The following PKHD1 variants were observed in gnomAD, a reference collection of about 807,000 sequenced individuals.
The protein encoded by PKHD1 is PKHD1 ciliary IPT domain containing fibrocystin/polyductin.
Under a neutral mutation model 412.0 loss-of-function variants are expected in PKHD1, and 291 were observed. The observed-to-expected ratio is 0.71, with a 90% CI of 0.64 to 0.78. The LOEUF (loss-of-function observed/expected upper bound fraction) is 0.78. PKHD1 is among the 30% of genes least tolerant of loss of function. The pLI is 0.00. For synonymous variants in PKHD1, 1,777 were observed against 1,821.5 expected (o/e 0.98, Z 0.62); for missense variants, 4,825 against 4,950.7 (o/e 0.97, Z 0.76).
chr6:51,994,731 G>A (rs1385091270), intron 35 of PKHD1, among the ~76,000 whole-genome samples: 3 of 152,034 alleles, frequency 2.0e-5, no homozygotes, highest in Admixed American at 6.5e-5. Context: ...ACAGGCACAC[G>A]CCACTATGCC....
chr6:52,062,382 G>A lies in PKHD1; in HGVS notation c.1118+137C>T, dbSNP rs375180419. ...ATGACCAACACTGATTGAGAATACT[G>A]TCAAACTCTGTTGTTGTTGAATTGG... On this transcript the variant is annotated intron_variant, in intron 14 of 66. Transcript: ENST00000371117. 2.3e-4 allele frequency: 210 copies of A among 928,228 alleles called. 1 individual carries two copies. In the African/African-American group the frequency reaches 3.1e-3, roughly 14 times the overall value. The allele number at this position is 928,228 out of a possible 1,614,324, so 57.5% of individuals were successfully genotyped here.
At chr6:51,729,153 C>CT (rs1782945360) in intron 60 of PKHD1, among the ~76,000 whole-genome samples, 1 of 152,234 alleles carries the variant, frequency 6.6e-6, no homozygotes, top group Admixed American at 6.5e-5. Flanking sequence ...CTTCAACTCC[C>CT]TTCCTTCATG....
intron 60 of PKHD1, among the ~76,000 whole-genome samples, chr6:51,676,461 AT>A (rs1411791130): frequency 1.3e-5 from 2 of 152,092 alleles, no homozygotes; most frequent in African/African-American, 2.4e-5. Context: ...TCCCTCAATA[AT>A]TTTTTTAGCC....
At position 51,888,719 on chromosome 6, in the gene PKHD1, A is replaced by G. The variant is rs76764037; in HGVS notation, c.6997-1474T>C. 2.6e-5 allele frequency among the ~76,000 whole-genome samples: 4 copies of G among 151,814 alleles called. No homozygotes were observed. In the East Asian group the frequency reaches 7.8e-4, roughly 29 times the overall value. On this transcript the variant is annotated intron_variant, in intron 43 of 66. Transcript: ENST00000371117. Reference sequence around the variant, plus strand: ...GAATTTGCAACCTCAACTACAGGCAACAAAGTAAATAACATGTTGGCTATT... The same window carrying G: ...GAATTTGCAACCTCAACTACAGGCAGCAAAGTAAATAACATGTTGGCTATT...
intron 37 of PKHD1, among the ~76,000 whole-genome samples, chr6:51,930,581 T>C (rs1231028073): frequency 6.6e-6 from 1 of 152,058 alleles, no homozygotes; most frequent in East Asian, 1.9e-4. Flanking sequence ...TAATAAAGAA[T>C]GAGATGGAAG....
intron 53 of PKHD1, among the ~76,000 whole-genome samples, chr6:51,785,039 C>T (rs1792646640): frequency 6.6e-6 from 1 of 152,082 alleles, no homozygotes; most frequent in Non-Finnish European, 1.5e-5. Flanking sequence ...TCTGTTTCCC[C>T]CAATAAAATA....
chr6:51,710,110 T>A (rs1024039318), intron 60 of PKHD1, among the ~76,000 whole-genome samples: 1 of 152,074 alleles, frequency 6.6e-6, no homozygotes, highest in African/African-American at 2.4e-5. Context: ...CTCGGGAAGC[T>A]GAGGCGGGAG....
At chr6:52,048,386 C>T (rs1806196442) in intron 23 of PKHD1, 106 bp downstream of exon 23, 1 of 1,114,484 alleles carries the variant, frequency 9.0e-7, no homozygotes, top group South Asian at 1.2e-5. Flanking sequence ...AATAAAATAG[C>T]TTTAATATTA....
At chr6:51,792,235 A>C (rs1047916883) in intron 52 of PKHD1, among the ~76,000 whole-genome samples, 6 of 152,352 alleles carry the variant, frequency 3.9e-5, no homozygotes, top group African/African-American at 1.4e-4. Context: ...TGTATGCCAA[A>C]GCATTAAGTG....
intron 60 of PKHD1, among the ~76,000 whole-genome samples, chr6:51,702,855 A>C (rs1779603442): frequency 1.3e-5 from 2 of 151,486 alleles, no homozygotes; most frequent in South Asian, 4.2e-4. Flanking sequence ...CAAATGTACC[A>C]AATTTTTTCT....
At position 51,836,887 on chromosome 6, in the gene PKHD1, C is replaced by T. The variant is rs143164687; in HGVS notation, c.8108-418G>A. Among the ~76,000 whole-genome samples the T allele has an allele frequency of 5.2e-4, 79 of 152,276 alleles. No individual in the cohort carries two copies. In the East Asian group the frequency reaches 0.012, roughly 24 times the overall value. ...ATCATCCATGAAATGTATTTGGTTACCTTTATCCAAACAAATTGTCCTTTT... is the reference window on the plus strand; with the variant it reads ...ATCATCCATGAAATGTATTTGGTTATCTTTATCCAAACAAATTGTCCTTTT... On this transcript the variant is annotated intron_variant, in intron 50 of 66. Coordinates refer to ENST00000371117, the MANE Select transcript of PKHD1 (RefSeq NM_138694.4).
intron 36 of PKHD1, among the ~76,000 whole-genome samples, chr6:51,939,054 T>A (rs2474886): frequency 6.6e-6 from 1 of 151,160 alleles, no homozygotes; most frequent in African/African-American, 2.4e-5. Context: ...TGCGGGGATG[T>A]CTGCCTGATT....
chr6:51,773,672 C>T (rs1790524481), intron 54 of PKHD1, among the ~76,000 whole-genome samples: 2 of 151,058 alleles, frequency 1.3e-5, no homozygotes, highest in African/African-American at 4.9e-5. Context: ...TATTTTATTG[C>T]AAGTCATTAA....
intron 35 of PKHD1, among the ~76,000 whole-genome samples, chr6:51,995,532 G>A (rs1225161621): frequency 2.6e-5 from 4 of 152,088 alleles, no homozygotes; most frequent in Non-Finnish European, 5.9e-5. Context: ...CTCTTAGCTA[G>A]TAGACCTTTG....
chr6:52,026,106 C>T lies in PKHD1; in HGVS notation c.3704G>A (p.Arg1235Gln), dbSNP rs567239866. The T allele has an allele frequency of 2.7e-5, 44 of 1,614,142 alleles. 1 individual carries two copies. Among genetic ancestry groups the T allele is most frequent in the South Asian group, 2.2e-4 (20 of 91,082 alleles). The part of the protein sequence containing the change: ...PALVWVLVGN[R>Q]SCDIVNLTEA... ...CGTTAAGTTCACAATGTCACAGGAC[C>T]GATTGCCCACAAGTACCCAAACCAA... The change falls in exon 32 of 67, where the codon CGG becomes CAG. Residue 1235 changes from arginine (R) to glutamine (Q), a missense_variant. By Grantham distance (43) the Arg-to-Gln change is conservative. Transcript: ENST00000371117.
At chr6:51,913,944 T>C (rs1783380066) in intron 37 of PKHD1, among the ~76,000 whole-genome samples, 1 of 152,152 alleles carries the variant, frequency 6.6e-6, no homozygotes, top group African/African-American at 2.4e-5. Context: ...CTTGTTTGTA[T>C]ATCTTAACCC....
At chr6:51,959,146 G>C (rs1049492380) in intron 36 of PKHD1, among the ~76,000 whole-genome samples, 1 of 152,180 alleles carries the variant, frequency 6.6e-6, no homozygotes, top group African/African-American at 2.4e-5. Context: ...CAGTGTTTTA[G>C]TGCAGAGTTT....
chr6:51,655,873 C>T lies in PKHD1; in HGVS notation c.11174+3079G>A, dbSNP rs1771744953. On this transcript the variant is annotated intron_variant, in intron 61 of 66. Coordinates refer to ENST00000371117, the MANE Select transcript of PKHD1 (RefSeq NM_138694.4). ...GTGAGCCTGTGGAGAAATAGGAACA[C>T]TTTTACACTGTTGGTGGGAGTGTAA... is the stretch of plus-strand genomic sequence containing the variant. Among the ~76,000 whole-genome samples the T allele has an allele frequency of 3.3e-5, 5 of 152,164 alleles. No homozygotes were observed. In the South Asian group the frequency reaches 8.3e-4, roughly 25 times the overall value.
chr6:51,730,488 G>T (rs980991348), intron 60 of PKHD1, among the ~76,000 whole-genome samples: 23 of 152,016 alleles, frequency 1.5e-4, no homozygotes, highest in African/African-American at 5.3e-4. Context: ...TGCTATTTTT[G>T]TTATAAACTA....
Sources: allele counts gnomAD v4.1 joint callset (sites outside exome capture counted in the v4.1 genomes callset), GRCh38; gene constraint gnomAD v4.1.1; transcripts MANE v1.5; gene names NCBI Gene and HGNC (gene_info 2026-07-23, HGNC 2026-07-21).